The following PRKN variants were observed in gnomAD, a reference collection of about 807,000 sequenced individuals.
PRKN encodes the protein E3 ubiquitin-protein ligase parkin.
A neutral mutation model predicts 59.5 loss-of-function variants in PRKN; 56 were observed. The ratio of observed to expected loss-of-function variants is 0.94; its 90% CI spans 0.76 to 1.18. The LOEUF (loss-of-function observed/expected upper bound fraction) is 1.18, where lower values mean the gene tolerates loss of function less well. Ranked by LOEUF, PRKN falls within the 50% of genes most tolerant of loss-of-function variation. The pLI, the probability that PRKN is intolerant of heterozygous loss-of-function variation, is 0.00. For synonymous variants in PRKN, 250 were observed against 222.1 expected (o/e 1.13, Z -1.12); for missense variants, 657 against 596.4 (o/e 1.10, Z -1.06).
At chr6:161,877,164 T>C (rs868018273) in intron 6 of PRKN, among the ~76,000 whole-genome samples, 15 of 152,092 alleles carry the variant, frequency 9.9e-5, no homozygotes, top group Middle Eastern at 3.2e-3. Flanking sequence ...TCATTTCTGA[T>C]GCAGGTGTGC....
chr6:161,768,800 T>C (rs1345274907), intron 7 of PRKN, among the ~76,000 whole-genome samples: 1 of 152,164 alleles, frequency 6.6e-6, no homozygotes, highest in Non-Finnish European at 1.5e-5. Flanking sequence ...CTATTCAGAA[T>C]ACAAAATTTT....
At chr6:162,508,735 C>T (rs1164543475) in intron 1 of PRKN, among the ~76,000 whole-genome samples, 1 of 152,090 alleles carries the variant, frequency 6.6e-6, no homozygotes, top group Non-Finnish European at 1.5e-5. Flanking sequence ...TCTCAGAAGC[C>T]TCTATCTAAT....
chr6:162,673,638 G>A lies in PRKN; in HGVS notation c.7+54024C>T, dbSNP rs369967447. ...TGAGTTCAAGCGATCCACCCACCTC[G>A]GCCTCCTAAAGTGCTGGGATTACAG... is the stretch of plus-strand genomic sequence containing the variant. On this transcript the variant is annotated intron_variant, in intron 1 of 11. Coordinates refer to ENST00000366898, the MANE Select transcript of PRKN (RefSeq NM_004562.3). Among the ~76,000 whole-genome samples, 6 of 152,110 alleles carry A rather than the reference G, an allele frequency of 3.9e-5. No individual in the cohort carries two copies. In the East Asian group the frequency reaches 5.8e-4, roughly 15 times the overall value.
At chr6:162,268,234 A>G (rs2128102124) in intron 2 of PRKN, among the ~76,000 whole-genome samples, 1 of 152,312 alleles carries the variant, frequency 6.6e-6, no homozygotes, top group Admixed American at 6.5e-5. Context: ...CAACTTAACC[A>G]TCAATGTGAT....
intron 1 of PRKN, among the ~76,000 whole-genome samples, chr6:162,486,556 A>T (rs1255106367): frequency 6.6e-6 from 1 of 152,244 alleles, no homozygotes; most frequent in East Asian, 1.9e-4. Context: ...GAGACCGAAT[A>T]TGAGAAGTGA....
At chr6:161,877,488 CTCGT>C (rs1298501514) in intron 6 of PRKN, among the ~76,000 whole-genome samples, 3 of 150,110 alleles carry the variant, frequency 2.0e-5, no homozygotes, top group African/African-American at 7.4e-5. Flanking sequence ...GAGACAGAGC[CTCGT>C]TGTGTCACCC....
chr6:162,097,394 A>G (rs1779791313), intron 4 of PRKN, among the ~76,000 whole-genome samples: 1 of 152,146 alleles, frequency 6.6e-6, no homozygotes, highest in South Asian at 2.1e-4. Context: ...AGAGTCACAC[A>G]CTCATTTGAC....
At chr6:162,075,238 C>T (rs866286417) in intron 4 of PRKN, among the ~76,000 whole-genome samples, 1 of 152,086 alleles carries the variant, frequency 6.6e-6, no homozygotes, top group Non-Finnish European at 1.5e-5. Context: ...TATAAAGATT[C>T]ATAGTTACCT....
intron 7 of PRKN, among the ~76,000 whole-genome samples, chr6:161,703,766 T>C (rs1010024494): frequency 7.2e-5 from 11 of 151,908 alleles, no homozygotes; most frequent in Non-Finnish European, 1.6e-4. Flanking sequence ...ACATAATTTG[T>C]ATGTGTCTAG....
intron 7 of PRKN, among the ~76,000 whole-genome samples, chr6:161,655,273 C>T (rs1325271717): frequency 6.6e-6 from 1 of 151,742 alleles, no homozygotes; most frequent in Admixed American, 6.6e-5. Context: ...GCGTCATTAG[C>T]ATGGGCCTGG....
intron 6 of PRKN, 56 bp from the exon 7 acceptor site, chr6:161,785,964 A>G: frequency 6.3e-7 from 1 of 1,593,880 alleles, no homozygotes; most frequent in Non-Finnish European, 8.6e-7. Context: ...GAAAGGCAGC[A>G]CGTGCTTTAG....
Position 162,475,584 on chromosome 6 carries a change from A to T in PRKN, c.8-32111T>A, listed in dbSNP as rs76219522. On this transcript the variant is annotated intron_variant, in intron 1 of 11. Coordinates refer to ENST00000366898, the MANE Select transcript of PRKN (RefSeq NM_004562.3). ...ATGCATGTGAGTGTGTGTGTGCATG[A>T]GTGTGTGTGTGTTTGCATGAGTGTG... Among the ~76,000 whole-genome samples, 905 of 103,244 alleles carry T rather than the reference A, an allele frequency of 8.8e-3. 15 individuals are homozygous for T. The highest frequency in any genetic ancestry group is 0.036 in the African/African-American group (865 of 24,170). 67.7% of individuals were successfully genotyped at this position (103,244 alleles called of 152,430 possible).
At chr6:162,674,016 A>C (rs963105236) in intron 1 of PRKN, among the ~76,000 whole-genome samples, 1 of 152,138 alleles carries the variant, frequency 6.6e-6, no homozygotes, top group Non-Finnish European at 1.5e-5. Context: ...GAGCATCACC[A>C]TAGGGTTCTG....
intron 3 of PRKN, among the ~76,000 whole-genome samples, chr6:162,243,099 A>G (rs1779053559): frequency 6.6e-6 from 1 of 152,028 alleles, no homozygotes. Flanking sequence ...AGCATATGCT[A>G]TGAATGGGGT....
At chr6:162,394,748 A>G (rs1787388254) in intron 2 of PRKN, among the ~76,000 whole-genome samples, 1 of 152,224 alleles carries the variant, frequency 6.6e-6, no homozygotes, top group Non-Finnish European at 1.5e-5. Context: ...GAACTCTGCA[A>G]TGCAGTGTAA....
At chr6:161,710,840 C>A (rs1217221040) in intron 7 of PRKN, among the ~76,000 whole-genome samples, 1 of 108,120 alleles carries the variant, frequency 9.2e-6, no homozygotes, top group Non-Finnish European at 2.0e-5. Flanking sequence ...TTCCTTCCCC[C>A]TTTCCTTCTT....
In PRKN at chr6:161,539,404, C is replaced by T. The variant is rs543237098; in HGVS notation, c.1083+9450G>A. Reference sequence around the variant, plus strand: ...GGTTTAAGAGTGGCCAGCCGGACCACCACCTGCATGCCTGGCTCTTTCTGG... The same window carrying T: ...GGTTTAAGAGTGGCCAGCCGGACCATCACCTGCATGCCTGGCTCTTTCTGG... On this transcript the variant is annotated intron_variant, in intron 9 of 11. Coordinates refer to ENST00000366898, the MANE Select transcript of PRKN (RefSeq NM_004562.3). Among the ~76,000 whole-genome samples, 187 of 106,358 alleles carry T rather than the reference C, an allele frequency of 1.8e-3. 2 individuals carry two copies. In the Middle Eastern group the frequency reaches 0.051, roughly 29 times the overall value. The allele number at this position is 106,358 out of a possible 152,430, so 69.8% of individuals were successfully genotyped here. A position where few individuals can be genotyped will look rare whatever the true frequency, so the allele number is the denominator to read the frequency against.
chr6:161,746,523 G>GT (rs1788419712), intron 7 of PRKN, among the ~76,000 whole-genome samples: 2 of 148,858 alleles, frequency 1.3e-5, no homozygotes, highest in African/African-American at 4.9e-5. Flanking sequence ...AAAAAAAGCT[G>GT]TAATAGTTGG....
intron 2 of PRKN, among the ~76,000 whole-genome samples, chr6:162,291,143 G>C (rs1232167561): frequency 6.6e-6 from 1 of 152,084 alleles, no homozygotes; most frequent in Admixed American, 6.6e-5. Flanking sequence ...GGGTAGAAGA[G>C]AGAAATGTGG....
Sources: allele counts gnomAD v4.1 joint callset (sites outside exome capture counted in the v4.1 genomes callset), GRCh38; gene constraint gnomAD v4.1.1; transcripts MANE v1.5; gene names NCBI Gene and HGNC (gene_info 2026-07-23, HGNC 2026-07-21).